The following STRN3 variants were observed in gnomAD, a reference collection of about 807,000 sequenced individuals.
STRN3 encodes the protein striatin 3, also known as striatin-3.
In STRN3, 29 loss-of-function variants were observed where a neutral mutation model predicts 95.6. The ratio of observed to expected loss-of-function variants is 0.30; its 90% CI spans 0.23 to 0.41. The LOEUF is 0.41. Among genes scored for constraint, STRN3 ranks in the 10% least tolerant of loss-of-function variants. STRN3 has a pLI of 1.00. For missense variants in STRN3, 890 were observed against 972.1 expected (o/e 0.92, Z 1.12); for synonymous variants, 331 against 357.6 (o/e 0.93, Z 0.84).
At chr14:30,926,670 ATG>A (rs1462092245) in intron 8 of STRN3, among the ~76,000 whole-genome samples, 2 of 152,096 alleles carry the variant, frequency 1.3e-5, no homozygotes, top group East Asian at 1.9e-4. Flanking sequence ...AATAACAAGC[ATG>A]TGTTATTTTT....
At chr14:30,986,355 CATAG>C in intron 1 of STRN3, among the ~76,000 whole-genome samples, 1 of 152,244 alleles carries the variant, frequency 6.6e-6, no homozygotes, top group African/African-American at 2.4e-5. Context: ...GTTTAGAAAA[CATAG>C]AAAGGGACAG....
intron 1 of STRN3, among the ~76,000 whole-genome samples, chr14:30,975,428 A>G (rs1160764046): frequency 2.0e-5 from 3 of 152,016 alleles, no homozygotes; most frequent in African/African-American, 7.2e-5. Flanking sequence ...GTGAGGGACA[A>G]AAGACTACAC....
At chr14:30,948,625 G>A (rs144749117) in intron 4 of STRN3, among the ~76,000 whole-genome samples, 108 of 152,280 alleles carry the variant, frequency 7.1e-4, no homozygotes, top group Non-Finnish European at 1.2e-3. Flanking sequence ...TCTTGAATAC[G>A]TTTGTGATAG....
At chr14:30,920,009 G>GGTA (rs1485941641) in intron 8 of STRN3, among the ~76,000 whole-genome samples, 11 of 151,972 alleles carry the variant, frequency 7.2e-5, no homozygotes, top group African/African-American at 2.7e-4. Context: ...AAATAAAATA[G>GGTA]GTAAGTCCAA....
chr14:30,898,603 T>C (rs920429674), intron 16 of STRN3, among the ~76,000 whole-genome samples: 6 of 152,208 alleles, frequency 3.9e-5, no homozygotes, highest in African/African-American at 1.4e-4. Context: ...TATGTTGGGC[T>C]TTCACTGGTG....
chr14:31,003,184 C>T (rs1244128172), intron 1 of STRN3, among the ~76,000 whole-genome samples: 13 of 151,184 alleles, frequency 8.6e-5, no homozygotes, highest in Non-Finnish European at 1.5e-5. Flanking sequence ...ATGGCTTGAA[C>T]CCAGGAGGCG....
At position 30,895,337 on chromosome 14, in the gene STRN3, A is replaced by G; in HGVS notation, c.*74T>C. 1 of 1,454,970 alleles carries G rather than the reference A, an allele frequency of 6.9e-7. No individual in the cohort carries two copies. The highest frequency in any genetic ancestry group is 9.2e-7 in the Non-Finnish European group (1 of 1,091,912). The allele number at this position is 1,454,970 out of a possible 1,614,324, so 90.1% of individuals were successfully genotyped here. A position where few individuals can be genotyped will look rare whatever the true frequency, so the allele number is the denominator to read the frequency against. ...GATCACATGTAGTGTCATATCAGTA[A>G]CCTTTCTGATGGCAGTGATGCAGAC... On this transcript the variant is annotated 3_prime_UTR_variant, in exon 18 of 18. Transcript: ENST00000357479.
intron 1 of STRN3, among the ~76,000 whole-genome samples, chr14:30,970,123 C>T (rs1481304666): frequency 6.6e-6 from 1 of 152,126 alleles, no homozygotes; most frequent in Non-Finnish European, 1.5e-5. Flanking sequence ...TTATTAACAC[C>T]AAGTCAATTT....
chr14:30,984,297 A>G (rs1315153791), intron 1 of STRN3, among the ~76,000 whole-genome samples: 1 of 146,652 alleles, frequency 6.8e-6, no homozygotes, highest in Non-Finnish European at 1.5e-5. Flanking sequence ...AAAAAACAGA[A>G]AAGAATTAAA....
chr14:30,975,516 C>A (rs1400965448), intron 1 of STRN3, among the ~76,000 whole-genome samples: 1 of 137,472 alleles, frequency 7.3e-6, no homozygotes, highest in Non-Finnish European at 1.5e-5. Context: ...TTCCATGCAA[C>A]CAAATGCTAC....
intron 1 of STRN3, among the ~76,000 whole-genome samples, chr14:30,991,922 T>C (rs1458562026): frequency 1.0e-5 from 1 of 96,236 alleles, no homozygotes; most frequent in Admixed American, 1.0e-4. Flanking sequence ...CCCTTCTCTA[T>C]TCTTTAAAAA....
intron 1 of STRN3, among the ~76,000 whole-genome samples, chr14:31,008,389 T>A (rs1882817007): frequency 2.0e-5 from 3 of 151,804 alleles, no homozygotes; most frequent in Non-Finnish European, 4.4e-5. Context: ...ACGCCTGTAG[T>A]CCCAGCTGCT....
At chr14:30,983,377 T>C (rs766293659) in intron 1 of STRN3, among the ~76,000 whole-genome samples, 2 of 152,100 alleles carry the variant, frequency 1.3e-5, no homozygotes, top group Non-Finnish European at 2.9e-5. Flanking sequence ...ACCCCGTCTC[T>C]ACTAAAAATA....
intron 1 of STRN3, among the ~76,000 whole-genome samples, chr14:30,981,105 C>T (rs577897899): frequency 2.0e-4 from 31 of 152,040 alleles, no homozygotes; most frequent in Admixed American, 1.7e-3. Context: ...GCCAGCCAGG[C>T]GTTCAAGACC....
At chr14:30,998,923 C>G (rs1210786740) in intron 1 of STRN3, among the ~76,000 whole-genome samples, 1 of 152,136 alleles carries the variant, frequency 6.6e-6, no homozygotes, top group African/African-American at 2.4e-5. Context: ...CTGGGCAACA[C>G]AGCAAGACCC....
chr14:30,993,123 G>A (rs1169961667), intron 1 of STRN3, among the ~76,000 whole-genome samples: 1 of 152,146 alleles, frequency 6.6e-6, no homozygotes, highest in African/African-American at 2.4e-5. Flanking sequence ...TAGCCAGGTA[G>A]GCTGGCATGT....
At chr14:30,917,658 C>A (rs1896775569) in intron 9 of STRN3, among the ~76,000 whole-genome samples, 1 of 150,936 alleles carries the variant, frequency 6.6e-6, no homozygotes, top group African/African-American at 2.4e-5. Context: ...AATTAACAGA[C>A]ACTATTTTAT....
intron 1 of STRN3, among the ~76,000 whole-genome samples, chr14:31,024,810 A>C (rs1883711706): frequency 6.6e-6 from 1 of 152,212 alleles, no homozygotes; most frequent in African/African-American, 2.4e-5. Context: ...CAGGTGCAAT[A>C]CTATTTAGAC....
intron 14 of STRN3, 33 bp downstream of exon 14, chr14:30,906,844 C>T (rs1197500272): frequency 4.4e-6 from 7 of 1,585,898 alleles, no homozygotes; most frequent in Admixed American, 3.6e-5. Context: ...TTTAAAAAAA[C>T]TAACTTTTCT....
Sources: gnomAD v4.1 joint callset for allele counts (sites outside exome capture counted in the v4.1 genomes callset) on GRCh38, gnomAD v4.1.1 for gene constraint, MANE v1.5 for transcripts, NCBI Gene and HGNC (gene_info 2026-07-23, HGNC 2026-07-21) for gene names.